Variants in NTRK3 observed in about 807,000 individuals in gnomAD.
The protein encoded by NTRK3 is neurotrophic receptor tyrosine kinase 3.
Under a neutral mutation model 91.7 loss-of-function variants are expected in NTRK3, and 24 were observed. The observed-to-expected ratio is 0.26, with a 90% CI of 0.19 to 0.37. The LOEUF is 0.37. Among genes scored for constraint, NTRK3 ranks in the 10% least tolerant of loss-of-function variants. NTRK3 has a pLI of 1.00. For synonymous variants in NTRK3, 483 were observed against 404.0 expected, an observed-to-expected ratio of 1.20 and a Z score of -2.34; for missense variants, 880 against 1,068.9, an observed-to-expected ratio of 0.82 and a Z score of 2.46.
At chr15:87,908,131 G>A (rs1410226160) in intron 17 of NTRK3, among the ~76,000 whole-genome samples, 2 of 152,172 alleles carry the variant, frequency 1.3e-5, no homozygotes, top group Admixed American at 1.3e-4. Context: ...CAAGAAAGCA[G>A]CCAAACCACT....
Position 88,086,397 on chromosome 15 carries a change from CA to C in NTRK3, c.1396+39873del, listed in dbSNP as rs943486967. On this transcript the variant is annotated intron_variant, in intron 13 of 18. Transcript: ENST00000394480. Reference sequence around the variant, plus strand: ...CTGGATTTCAAGGACCTACCATGAGCAAAAAAAAGATTTAAAACATCTCATT... The same window carrying C: ...CTGGATTTCAAGGACCTACCATGAGCAAAAAAAGATTTAAAACATCTCATT... 3.3e-5 allele frequency among the ~76,000 whole-genome samples: 5 copies of C among 150,918 alleles called. No individual in the cohort carries two copies. In the South Asian group the frequency reaches 8.3e-4, roughly 25 times the overall value.
Position 88,193,471 on chromosome 15 carries a change from G to A in NTRK3, c.249-9172C>T, listed in dbSNP as rs532897834. On this transcript the variant is annotated intron_variant, in intron 3 of 18. Transcript: ENST00000394480. ...AGGAGGGCCCTACACACCAAACGAAGAGGAAGCAGAAATGTCCTTGGCACC... is the reference window on the plus strand; with the variant it reads ...AGGAGGGCCCTACACACCAAACGAAAAGGAAGCAGAAATGTCCTTGGCACC... Among the ~76,000 whole-genome samples the A allele has an allele frequency of 2.6e-4, 40 of 152,290 alleles. 1 individual carries two copies. In the South Asian group the frequency reaches 8.1e-3, roughly 31 times the overall value.
rs548277939 is a variant in NTRK3, at chr15:88,129,973, G to A, written c.1205-1239C>T. Among the ~76,000 whole-genome samples, 202 of 152,116 alleles carry A rather than the reference G, an allele frequency of 1.3e-3. 1 individual carries two copies. Among genetic ancestry groups the A allele is most frequent in the Non-Finnish European group, 2.1e-3 (144 of 68,036 alleles). ...TGTCCTTATAAGAGGAAATTTGAAC[G>A]TCAACACACACGCACAGAGGGAAAA... On this transcript the variant is annotated intron_variant, in intron 10 of 18. Coordinates refer to ENST00000394480, the Ensembl canonical transcript of NTRK3.
chr15:88,020,477 A>G (rs2077523716), intron 14 of NTRK3, among the ~76,000 whole-genome samples: 1 of 152,206 alleles, frequency 6.6e-6, no homozygotes, highest in Non-Finnish European at 1.5e-5. Flanking sequence ...AATAAATCCA[A>G]GCTTGGAAAA....
chr15:87,954,112 G>C (rs370890289), intron 14 of NTRK3, among the ~76,000 whole-genome samples: 30 of 151,794 alleles, frequency 2.0e-4, no homozygotes, highest in African/African-American at 7.3e-4. Flanking sequence ...GGGCAGATGT[G>C]AATGACTCCT....
In NTRK3 at chr15:88,233,317, G is replaced by A. The variant is rs920161313; in HGVS notation, c.248+22589C>T. Among the ~76,000 whole-genome samples the A allele has an allele frequency of 1.3e-5, 2 of 152,104 alleles. No homozygotes were observed. The highest frequency in any genetic ancestry group is 2.9e-5 in the Non-Finnish European group (2 of 68,022). Reference sequence around the variant, plus strand: ...GCAGATCACTTGTGAAACACCTCTGGCTTCACACAGTTCCACCTGCAGTGG... The same window carrying A: ...GCAGATCACTTGTGAAACACCTCTGACTTCACACAGTTCCACCTGCAGTGG... On this transcript the variant is annotated intron_variant, in intron 3 of 18. Transcript: ENST00000394480. This position sits in a 1 kb window ranked among gnomAD's most constrained non-coding sequence, Gnocchi z 4.2.
At chr15:88,014,428 G>A (rs1339867436) in intron 14 of NTRK3, among the ~76,000 whole-genome samples, 1 of 152,094 alleles carries the variant, frequency 6.6e-6, no homozygotes, top group Non-Finnish European at 1.5e-5. Context: ...GAAAAGATAA[G>A]TCTCACTGGA....
intron 14 of NTRK3, among the ~76,000 whole-genome samples, chr15:87,996,729 T>C (rs2141569573): frequency 6.6e-6 from 1 of 152,312 alleles, no homozygotes; most frequent in South Asian, 2.1e-4. Context: ...TAAATAAGGC[T>C]CTTCCAGCCA....
intron 13 of NTRK3, among the ~76,000 whole-genome samples, chr15:88,073,768 T>C (rs28584910): frequency 0.15 from 22,429 of 151,264 alleles, 2,572 homozygotes; most frequent in African/African-American, 0.32. Flanking sequence ...GGGTCCAGAG[T>C]GCTGCAACAC....
Position 88,256,171 on chromosome 15 carries a change from A to T in NTRK3, c.-15-3T>A. 6.4e-7 allele frequency: 1 copy of T among 1,557,038 alleles called. No individual in the cohort carries two copies. Among genetic ancestry groups the T allele is most frequent in the Non-Finnish European group, 8.7e-7 (1 of 1,155,256 alleles). ...ACATCCATCTCCGATCGCTGCTTCTAAAAAAGAGGAGGAGGAGAGGAGAGG... is the reference window on the plus strand; with the variant it reads ...ACATCCATCTCCGATCGCTGCTTCTTAAAAAGAGGAGGAGGAGAGGAGAGG... On this transcript the variant is annotated splice_region_variant and splice_polypyrimidine_tract_variant and intron_variant, in intron 2 of 18. Transcript: ENST00000394480.
At chr15:87,998,872 T>G (rs1229888106) in intron 14 of NTRK3, among the ~76,000 whole-genome samples, 1 of 152,062 alleles carries the variant, frequency 6.6e-6, no homozygotes, top group Non-Finnish European at 1.5e-5. Context: ...CCAATAACCC[T>G]GGAAAGAAAT....
chr15:87,908,533 CACT>C (rs2066904113), intron 17 of NTRK3: 1 of 399,540 alleles, frequency 2.5e-6, no homozygotes. Flanking sequence ...TGCCACACCA[CACT>C]GAACGGGCCC....
intron 13 of NTRK3, among the ~76,000 whole-genome samples, chr15:88,064,790 CTG>C (rs2046508251): frequency 6.6e-6 from 1 of 152,206 alleles, no homozygotes; most frequent in Admixed American, 6.5e-5. Flanking sequence ...GACTCAGTGT[CTG>C]TTCTTCACTT....
At chr15:88,016,060 G>A (rs539049361) in intron 14 of NTRK3, among the ~76,000 whole-genome samples, 21 of 152,012 alleles carry the variant, frequency 1.4e-4, no homozygotes, top group Admixed American at 4.6e-4. Flanking sequence ...ACATGTCTGC[G>A]TATGTTATTA....
chr15:87,969,487 T>C (rs186935122), intron 14 of NTRK3, among the ~76,000 whole-genome samples: 6 of 152,308 alleles, frequency 3.9e-5, no homozygotes, highest in Admixed American at 2.6e-4. Flanking sequence ...ATGTGACTAA[T>C]GAGAAAAGTT....
intron 17 of NTRK3, among the ~76,000 whole-genome samples, chr15:87,922,345 G>T (rs900507889): frequency 1.3e-5 from 2 of 152,118 alleles, no homozygotes; most frequent in African/African-American, 4.8e-5. Flanking sequence ...AAACTGGAAG[G>T]CACCTTAGAG....
intron 13 of NTRK3, among the ~76,000 whole-genome samples, chr15:88,054,455 C>A (rs150575929): frequency 6.6e-6 from 1 of 152,130 alleles, no homozygotes; most frequent in African/African-American, 2.4e-5. Context: ...CTCTTGGGTG[C>A]CCTACCAGAT....
chr15:88,215,524 A>G (rs943144407), intron 3 of NTRK3, among the ~76,000 whole-genome samples: 12 of 152,250 alleles, frequency 7.9e-5, no homozygotes. Flanking sequence ...TGAGAGAGAA[A>G]TCAAAAGCAT....
At chr15:88,212,579 C>T (rs773667416) in intron 3 of NTRK3, among the ~76,000 whole-genome samples, 1 of 152,038 alleles carries the variant, frequency 6.6e-6, no homozygotes, top group Non-Finnish European at 1.5e-5. Context: ...GGACCTCGTT[C>T]CTACCCAAAA....
Sources: allele counts gnomAD v4.1 joint callset (sites outside exome capture counted in the v4.1 genomes callset), GRCh38; gene constraint gnomAD v4.1.1; non-coding constraint Gnocchi (gnomAD v3.1); transcripts MANE v1.5; gene names NCBI Gene and HGNC (gene_info 2026-07-23, HGNC 2026-07-21).